TTN: variants seen among roughly 807,000 people sequenced by gnomAD.
TTN encodes titin.
TTN carries 1,525 observed loss-of-function variants against 3,223.0 expected under a neutral mutation model. That is an observed-to-expected ratio of 0.47 (90% confidence interval 0.45 to 0.49). TTN has a LOEUF of 0.49. Ranked by LOEUF, TTN falls within the 20% of genes least tolerant of loss-of-function variation. The probability of loss-of-function intolerance (pLI) is 0.00; values close to 1 mark genes in which losing one functional copy is unlikely to be tolerated. For missense variants in TTN, 40,786 were observed against 43,424.0 expected (o/e 0.94, Z 5.40); for synonymous variants, 14,094 against 15,161.0 (o/e 0.93, Z 5.17).
At chr2:178,752,184 C>T (rs1047654968) in intron 47 of TTN, 17 of 732,882 alleles carry the variant, frequency 2.3e-5, no homozygotes, top group Middle Eastern at 8.0e-4. Context: ...CATATTTGTT[C>T]GAATAAACGC....
In TTN at chr2:178,722,930, A is replaced by C; in HGVS notation, c.21969T>G (p.Pro7323=). 6.2e-7 allele frequency: 1 copy of C among 1,609,756 alleles called. No individual in the cohort carries two copies. Among genetic ancestry groups the C allele is most frequent in the Non-Finnish European group, 8.5e-7 (1 of 1,177,838 alleles). ...GAGGTTCCAGTTCCGTAACAAAATA[A>C]GGCGGTTCTAAGGAAGAAAGGCTCA... ...CGALVSTLEP[P]YFVTELEPLE... is the part of the protein sequence containing the mutation. The change falls in exon 76 of 363, where the codon CCT becomes CCG. Residue 7323 remains proline (P), a synonymous_variant. Transcript: ENST00000589042.
At position 178,707,761 on chromosome 2, in the gene TTN, A is replaced by G. The variant is rs2076092827; in HGVS notation, c.28806T>C (p.Ser9602=). 6.2e-7 allele frequency: 1 copy of G among 1,613,742 alleles called. No homozygotes were observed. Among genetic ancestry groups the G allele is most frequent in the East Asian group, 2.2e-5 (1 of 44,880 alleles). Residue 9602 remains serine (S), a synonymous_variant, in exon 100 of 363, where the codon AGT becomes AGC. Coordinates refer to ENST00000589042, the MANE Select transcript of TTN (RefSeq NM_001267550.2). ...AGCTGAGCTGCACGTATTCTCCTTC[A>G]CTCACTGTTACTGGAGTAAGGTGCT... The part of the protein sequence containing the change: ...FDQHLTPVTV[S]EGEYVQLSCH...
rs1284446305 is a variant in TTN at position 178,641,265 on chromosome 2, GT to G, written c.40608del (p.Lys13536AsnfsTer2). On this transcript the variant is annotated frameshift_variant, in exon 220 of 363. Transcript: ENST00000589042. LOFTEE classifies it high-confidence loss of function. ...CCTGCAGGTTTTTTAACTTTTTCTA[GT>G]TTTTTAGGTTCTACTTTAGGTTCTT... ...EEEEPKVEPK[K>X]LEKVKKPAVP... The G allele has an allele frequency of 6.6e-7, 1 of 1,510,066 alleles. No homozygotes were observed. The highest frequency in any genetic ancestry group is 2.5e-5 in the East Asian group (1 of 40,106). The allele number at this position is 1,510,066 out of a possible 1,614,324, so 93.5% of individuals were successfully genotyped here. A position where few individuals can be genotyped will look rare whatever the true frequency, so the allele number is the denominator to read the frequency against.
chr2:178,713,614 A>G, intron 92 of TTN: 1 of 692,004 alleles, frequency 1.4e-6, no homozygotes, highest in Non-Finnish European at 2.3e-6. Context: ...GTGAAGAATT[A>G]TGTGGTGAAT....
intron 217 of TTN, among the ~76,000 whole-genome samples, chr2:178,645,521 T>C (rs2061801782): frequency 6.6e-6 from 1 of 152,154 alleles, no homozygotes; most frequent in African/African-American, 2.4e-5. Context: ...TTGGCTTTTA[T>C]GTAAATGTGT....
In TTN at chr2:178,597,654, G is replaced by A. The variant is rs540167353; in HGVS notation, c.57428C>T (p.Ala19143Val). ...LPQEATIETT[A>V]ISSSMVIKNC... ...CTTGATGACCATGGATGAGCTAATGGCTGTGGTCTCAATGGTGGCTTCTTG... is the reference window on the plus strand; with the variant it reads ...CTTGATGACCATGGATGAGCTAATGACTGTGGTCTCAATGGTGGCTTCTTG... Residue 19143 changes from alanine (A) to valine (V), a missense_variant, in exon 294 of 363, where the codon GCC (alanine) becomes GTC (valine). Coordinates refer to ENST00000589042, the MANE Select transcript of TTN (RefSeq NM_001267550.2). The A allele has an allele frequency of 6.2e-7, 1 of 1,613,274 alleles. No individual in the cohort carries two copies. The highest frequency in any genetic ancestry group is 1.7e-5 in the Admixed American group (1 of 59,960).
In TTN at chr2:178,590,555, C is replaced by G; in HGVS notation, c.61170G>C (p.Leu20390Phe). 6.2e-7 allele frequency: 1 copy of G among 1,612,558 alleles called. No individual in the cohort carries two copies. Among genetic ancestry groups the G allele is most frequent in the Admixed American group, 1.7e-5 (1 of 59,896 alleles). The stretch of plus-strand genomic sequence containing the variant: ...CATCACTGAGAGGCTTTGTCCACAC[C>G]AAATCAGCTGTTTCTCTGCTCTTGT... ...LKDKSRETAD[L>F]VWTKPLSDGG... The change falls in exon 304 of 363, where the codon TTG becomes TTC. Residue 20390 changes from leucine to phenylalanine, a missense_variant. Leu to Phe is a conservative substitution (Grantham distance 22). Coordinates refer to ENST00000589042, the MANE Select transcript of TTN (RefSeq NM_001267550.2).
In TTN at chr2:178,731,480, A is replaced by G. The variant is rs779467671; in HGVS notation, c.17286T>C (p.Thr5762=). 1.2e-6 allele frequency: 2 copies of G among 1,613,714 alleles called. No homozygotes were observed. The highest frequency in any genetic ancestry group is 1.7e-6 in the Non-Finnish European group (2 of 1,179,766). The change falls in exon 59 of 363, where the codon ACT becomes ACC. Residue 5762 remains threonine, a synonymous_variant. Transcript: ENST00000589042. ...TGATTTCATCGCTGTCTTTTAGCCA[A>G]GTCACCGTAATTGGCAAGGAGCCCT... ...TLKGSLPITV[T]WLKDSDEITE... is the part of the protein sequence containing the mutation.
chr2:178,645,687 T>C, intron 217 of TTN: 1 of 326,900 alleles, frequency 3.1e-6, no homozygotes, highest in Non-Finnish European at 5.6e-6. Context: ...CATTCAGATA[T>C]CCCGGATGAC....
In TTN at chr2:178,647,474, T is replaced by G; in HGVS notation, c.40058-10A>C. The G allele has an allele frequency of 6.5e-7, 1 of 1,549,272 alleles. No homozygotes were observed. ...TCAGGCACTTTGGGCACTTTAAAGA[T>G]ATGATTTTGTTTACTATTAAGAATT... On this transcript the variant is annotated splice_polypyrimidine_tract_variant and intron_variant, in intron 213 of 362. Transcript: ENST00000589042.
chr2:178,774,388 T>G lies in TTN; in HGVS notation c.6876A>C (p.Pro2292=), dbSNP rs1286834253. 1 of 1,613,944 alleles carries G rather than the reference T, an allele frequency of 6.2e-7. No homozygotes were observed. The highest frequency in any genetic ancestry group is 1.7e-5 in the Admixed American group (1 of 59,994). Residue 2292 remains proline, a synonymous_variant, in exon 30 of 363, where the codon CCA becomes CCC. Coordinates refer to ENST00000589042, the MANE Select transcript of TTN (RefSeq NM_001267550.2). ...YSGELECIVS[P]ENIEGKWYHN... ...GATACCATTTTCCTTCTATATTTTC[T>G]GGGGATACAATGCACTCTAATTCTC... is the stretch of plus-strand genomic sequence containing the variant.
intron 31 of TTN, 29 bp downstream of exon 31, chr2:178,773,809 A>T: frequency 6.2e-7 from 1 of 1,614,032 alleles, no homozygotes; most frequent in Non-Finnish European, 8.5e-7. Context: ...TTAATAGTGT[A>T]AACATAAAAT....
At chr2:178,762,848 G>A (rs769011772) in intron 43 of TTN, among the ~76,000 whole-genome samples, 6 of 152,094 alleles carry the variant, frequency 3.9e-5, no homozygotes, top group Non-Finnish European at 4.4e-5. Context: ...TTGAGCCCCA[G>A]TTACCTGGCA....
chr2:178,641,236 C>T lies in TTN; in HGVS notation c.40633+5G>A, dbSNP rs2061194221. 1.3e-6 allele frequency: 2 copies of T among 1,499,944 alleles called. No homozygotes were observed. The highest frequency in any genetic ancestry group is 1.8e-6 in the Non-Finnish European group (2 of 1,118,692). The allele number at this position is 1,499,944 out of a possible 1,614,324, so 92.9% of individuals were successfully genotyped here. A position where few individuals can be genotyped will look rare whatever the true frequency, so the allele number is the denominator to read the frequency against. ...AATCTTACAAATTGTCACTGAGATT[C>T]CTACCTGCAGGTTTTTTAACTTTTT... On this transcript the variant is annotated splice_donor_5th_base_variant and intron_variant, in intron 220 of 362. Transcript: ENST00000589042.
chr2:178,714,995 C>G lies in TTN; in HGVS notation c.26191G>C (p.Ala8731Pro), dbSNP rs1013992395. The G allele has an allele frequency of 6.2e-7, 1 of 1,607,156 alleles. No homozygotes were observed. The highest frequency in any genetic ancestry group is 1.7e-5 in the Admixed American group (1 of 59,794). The change falls in exon 90 of 363, where the codon GCT becomes CCT. Residue 8731 changes from alanine to proline, a missense_variant. Physicochemically the swap from Ala to Pro is conservative, Grantham distance 27. Coordinates refer to ENST00000589042, the MANE Select transcript of TTN (RefSeq NM_001267550.2). ...ATGCAGTCCATCTAACCTTTGAGAG[C>G]GATGGAACCAACGCAAGTGTCGCTT... ...VGSDTCVGSIALKAPPRFVKK... is the reference protein window; with the variant it reads ...VGSDTCVGSIPLKAPPRFVKK...
At position 178,776,944 on chromosome 2, in the gene TTN, A is replaced by G; in HGVS notation, c.4920T>C (p.Thr1640=). The G allele has an allele frequency of 7.4e-6, 12 of 1,613,714 alleles. No homozygotes were observed. Among genetic ancestry groups the G allele is most frequent in the East Asian group, 2.2e-5 (1 of 44,842 alleles). Residue 1640 remains threonine (T), a synonymous_variant, in exon 28 of 363, where the codon ACT becomes ACC. Transcript: ENST00000589042. ...CTTCAACATTTACTTTGCATCTTGT[A>G]GTGTCTCTGCCAGCTTTATTAATAG... ...ATAINKAGRD[T]TRCKVNVEVE... is the part of the protein sequence containing the mutation.
intron 47 of TTN, chr2:178,746,804 G>A (rs2083703035): frequency 1.2e-6 from 2 of 1,613,220 alleles, no homozygotes; most frequent in South Asian, 2.2e-5. Context: ...GAAGCCTAGT[G>A]TTGTGTTTTC....
At position 178,592,043 on chromosome 2, in the gene TTN, T is replaced by A. The variant is rs774004055; in HGVS notation, c.59861A>T (p.Glu19954Val). 6.2e-7 allele frequency: 1 copy of A among 1,613,144 alleles called. No individual in the cohort carries two copies. Among genetic ancestry groups the A allele is most frequent in the Non-Finnish European group, 8.5e-7 (1 of 1,179,534 alleles). ...AAAAGGACCACGTCCATACTGGTTCTCCGCAGCTACTCGGAAGAGGTACTG... is the reference window on the plus strand; with the variant it reads ...AAAAGGACCACGTCCATACTGGTTCACCGCAGCTACTCGGAAGAGGTACTG... ...GNQYLFRVAA[E>V]NQYGRGPFVE... is the part of the protein sequence containing the mutation. The change falls in exon 302 of 363, where the codon GAG (glutamate) becomes GTG (valine). Residue 19954 changes from glutamate to valine, a missense_variant. Glu to Val is a moderately radical substitution (Grantham distance 121). Transcript: ENST00000589042.
At chr2:178,631,364 A>G in intron 236 of TTN, 64 bp from the exon 237 acceptor site, 1 of 1,493,812 alleles carries the variant, frequency 6.7e-7, no homozygotes, top group Non-Finnish European at 8.9e-7. Context: ...AATCTCTTGG[A>G]AAGTTTAAGA....
Sources: allele counts gnomAD v4.1 joint callset (sites outside exome capture counted in the v4.1 genomes callset), GRCh38; gene constraint gnomAD v4.1.1; transcripts MANE v1.5; gene names NCBI Gene and HGNC (gene_info 2026-07-23, HGNC 2026-07-21).